DLGAP2: variants seen among roughly 807,000 people sequenced by gnomAD.
DLGAP2 encodes the protein DLG associated protein 2, also known as disks large-associated protein 2.
DLGAP2 carries 26 observed loss-of-function variants against 100.3 expected under a neutral mutation model. The observed-to-expected ratio is 0.26, with a 90% CI of 0.19 to 0.36. The LOEUF (loss-of-function observed/expected upper bound fraction) is 0.36, where lower values mean the gene tolerates loss of function less well. DLGAP2 is among the 10% of genes least tolerant of loss of function. The probability of loss-of-function intolerance (pLI) is 1.00; values close to 1 mark genes in which losing one functional copy is unlikely to be tolerated. For synonymous variants in DLGAP2, 886 were observed against 630.1 expected (o/e 1.41, Z -6.08); for missense variants, 1,858 against 1,453.2 (o/e 1.28, Z -4.53).
At chr8:797,755 T>A (rs1485478193) in intron 1 of DLGAP2, among the ~76,000 whole-genome samples, 1 of 152,150 alleles carries the variant, frequency 6.6e-6, no homozygotes, top group Non-Finnish European at 1.5e-5. Flanking sequence ...TATTTTATTT[T>A]ATTTATTTTT....
intron 2 of DLGAP2, among the ~76,000 whole-genome samples, chr8:926,666 T>C (rs987374072): frequency 1.3e-5 from 2 of 152,120 alleles, no homozygotes; most frequent in Non-Finnish European, 2.9e-5. Context: ...GGGCATGAGC[T>C]GAAGGGGGTG....
intron 3 of DLGAP2, among the ~76,000 whole-genome samples, chr8:1,268,384 T>C (rs1180512543): frequency 1.3e-5 from 2 of 152,212 alleles, no homozygotes; most frequent in Non-Finnish European, 2.9e-5. Context: ...AAAAGAAATA[T>C]TAGAATTATT....
chr8:1,316,941 AC>A (rs1800768498), intron 3 of DLGAP2, among the ~76,000 whole-genome samples: 1 of 99,366 alleles, frequency 1.0e-5, no homozygotes, highest in East Asian at 2.5e-4. Context: ...TACACTCGAG[AC>A]ACTCGGCAGC....
chr8:1,556,175 G>A (rs913818861), intron 5 of DLGAP2, among the ~76,000 whole-genome samples: 7 of 152,208 alleles, frequency 4.6e-5, no homozygotes, highest in Non-Finnish European at 7.3e-5. Flanking sequence ...GACGGCCACC[G>A]AGTGGTCACC....
chr8:770,175 C>A (rs1235846785), intron 1 of DLGAP2, among the ~76,000 whole-genome samples: 1 of 151,888 alleles, frequency 6.6e-6, no homozygotes, highest in Non-Finnish European at 1.5e-5. Flanking sequence ...TTGCACAGCA[C>A]AGTGTTGCTA....
At chr8:774,639 G>T (rs1380924983) in intron 1 of DLGAP2, among the ~76,000 whole-genome samples, 1 of 151,360 alleles carries the variant, frequency 6.6e-6, no homozygotes, top group Non-Finnish European at 1.5e-5. Context: ...TCTCAGGTTT[G>T]TCAAAGATCA....
rs1460403587 is a variant in DLGAP2 at position 1,703,522 on chromosome 8, T to C, written c.*2116T>C. 6.6e-6 allele frequency: 1 copy of C among 152,512 alleles called. No individual in the cohort carries two copies. The highest frequency in any genetic ancestry group is 2.4e-5 in the African/African-American group (1 of 41,460). 9.4% of individuals were successfully genotyped at this position (152,512 alleles called of 1,614,324 possible). A position where few individuals can be genotyped will look rare whatever the true frequency, so the allele number is the denominator to read the frequency against. On this transcript the variant is annotated 3_prime_UTR_variant, in exon 15 of 15. Transcript: ENST00000637795. ...ATGATTTCAGATGAACTCTGCTGTTTAGAAGTAACCACAGAAAAGCAAAGT... is the reference window on the plus strand; with the variant it reads ...ATGATTTCAGATGAACTCTGCTGTTCAGAAGTAACCACAGAAAAGCAAAGT...
intron 2 of DLGAP2, among the ~76,000 whole-genome samples, chr8:1,055,678 C>T (rs746913923): frequency 1.3e-5 from 2 of 152,184 alleles, no homozygotes; most frequent in African/African-American, 4.8e-5. Context: ...TCTTCCAGCT[C>T]CTCCACAAAG....
At chr8:1,376,337 G>C (rs1330350383) in intron 3 of DLGAP2, among the ~76,000 whole-genome samples, 1 of 152,224 alleles carries the variant, frequency 6.6e-6, no homozygotes, top group Non-Finnish European at 1.5e-5. Context: ...CAGCTCCTGT[G>C]CACCGCAGTC....
chr8:1,439,218 G>C (rs1474264579), intron 3 of DLGAP2, among the ~76,000 whole-genome samples: 1 of 152,184 alleles, frequency 6.6e-6, no homozygotes, highest in African/African-American at 2.4e-5. Context: ...CCAGAGGCAG[G>C]AGCATGGTCA....
intron 3 of DLGAP2, among the ~76,000 whole-genome samples, chr8:1,437,236 C>T (rs1165290685): frequency 6.6e-6 from 1 of 152,072 alleles, no homozygotes; most frequent in South Asian, 2.1e-4. Context: ...GGTCTGCGTT[C>T]AGCCCAGGCG....
chr8:1,229,300 C>T (rs1486300618), intron 2 of DLGAP2, among the ~76,000 whole-genome samples: 5 of 150,744 alleles, frequency 3.3e-5, no homozygotes, highest in East Asian at 1.9e-4. Flanking sequence ...GTTTTAGAAT[C>T]GGAATCAGCT....
At chr8:1,588,837 C>T (rs1796206533) in intron 6 of DLGAP2, among the ~76,000 whole-genome samples, 1 of 151,946 alleles carries the variant, frequency 6.6e-6, no homozygotes, top group African/African-American at 2.4e-5. Context: ...CAGGAGAATC[C>T]CTTGACCCCG....
intron 1 of DLGAP2, among the ~76,000 whole-genome samples, chr8:836,837 A>C (rs1183864110): frequency 6.6e-6 from 1 of 152,162 alleles, no homozygotes; most frequent in Non-Finnish European, 1.5e-5. Flanking sequence ...TTACCGAAGG[A>C]CCATACCAGA....
At chr8:1,372,194 AGGTCACCGTGCTGCCAACGCTGGGACGCT>A in intron 3 of DLGAP2, among the ~76,000 whole-genome samples, 1 of 150,042 alleles carries the variant, frequency 6.7e-6, no homozygotes, top group Non-Finnish European at 1.5e-5. Flanking sequence ...GCTGGGGCGC[AGGTCACCGTGCTGCCAACGCTGGGACGCT>A]GGTCACCGTG....
chr8:745,892 C>G (rs538000629), intron 1 of DLGAP2, among the ~76,000 whole-genome samples: 4 of 152,236 alleles, frequency 2.6e-5, no homozygotes, highest in Non-Finnish European at 5.9e-5. Context: ...AGGATACCGA[C>G]TCCAGAAAGA....
intron 3 of DLGAP2, among the ~76,000 whole-genome samples, chr8:1,419,052 C>T (rs891154947): frequency 1.3e-5 from 2 of 152,254 alleles, no homozygotes; most frequent in East Asian, 1.9e-4. Flanking sequence ...ACTCTCCGTG[C>T]CCTCTCTGGG....
chr8:808,143 G>C (rs1242223649), intron 1 of DLGAP2, among the ~76,000 whole-genome samples: 1 of 152,130 alleles, frequency 6.6e-6, no homozygotes, highest in African/African-American at 2.4e-5. Flanking sequence ...TCGGCACGTG[G>C]GTCTTCGGCT....
rs1056196238 is a variant in DLGAP2 at position 1,702,489 on chromosome 8, G to C, written c.*1083G>C. The C allele has an allele frequency of 1.3e-5, 2 of 152,478 alleles. No homozygotes were observed. The highest frequency in any genetic ancestry group is 6.5e-5 in the Admixed American group (1 of 15,272). The allele number at this position is 152,478 out of a possible 1,614,324, so 9.4% of individuals were successfully genotyped here. Reference sequence around the variant, plus strand: ...GTTTAAATGGTAAAGAAGAAATGTAGTTTACATTTGTATTTTTCCAGAATT... The same window carrying C: ...GTTTAAATGGTAAAGAAGAAATGTACTTTACATTTGTATTTTTCCAGAATT... On this transcript the variant is annotated 3_prime_UTR_variant, in exon 15 of 15. Coordinates refer to ENST00000637795, the MANE Select transcript of DLGAP2 (RefSeq NM_001346810.2).
Sources: gnomAD v4.1 joint callset for allele counts (sites outside exome capture counted in the v4.1 genomes callset) on GRCh38, gnomAD v4.1.1 for gene constraint, MANE v1.5 for transcripts, NCBI Gene and HGNC (gene_info 2026-07-23, HGNC 2026-07-21) for gene names.